Variants in CHRM3 observed in about 807,000 individuals in gnomAD.
The protein encoded by CHRM3 is cholinergic receptor muscarinic 3.
CHRM3 carries 11 observed loss-of-function variants against 41.8 expected under a neutral mutation model. The observed-to-expected ratio is 0.26, with a 90% confidence interval of 0.17 to 0.44. The LOEUF is 0.44. CHRM3 is among the 20% of genes least tolerant of loss of function. The pLI, the probability that CHRM3 is intolerant of heterozygous loss-of-function variation, is 1.00. For missense variants in CHRM3, 571 were observed against 745.4 expected (o/e 0.77, Z 2.72); for synonymous variants, 297 against 301.4 (o/e 0.99, Z 0.15).
At chr1:239,532,200 A>G (rs189819657) in intron 2 of CHRM3, among the ~76,000 whole-genome samples, 40 of 144,840 alleles carry the variant, frequency 2.8e-4, no homozygotes, top group African/African-American at 1.0e-3. Context: ...TGTAGTAGAG[A>G]CAGGGTTTCA....
intron 5 of CHRM3, among the ~76,000 whole-genome samples, chr1:239,692,180 G>GT (rs968366935): frequency 1.3e-5 from 2 of 152,146 alleles, no homozygotes; most frequent in Admixed American, 1.3e-4. Context: ...TTAGGCATGT[G>GT]TTTTTTGAAG....
chr1:239,687,628 TTCA>T (rs1558455038), intron 5 of CHRM3, among the ~76,000 whole-genome samples: 2 of 152,128 alleles, frequency 1.3e-5, no homozygotes, highest in African/African-American at 4.8e-5. Context: ...TAAGAAAATA[TTCA>T]TTAGAGTTTA....
intron 2 of CHRM3, among the ~76,000 whole-genome samples, chr1:239,508,041 G>A (rs749636854): frequency 1.3e-5 from 2 of 152,102 alleles, no homozygotes; most frequent in African/African-American, 2.4e-5. Flanking sequence ...CTGGGAAGAC[G>A]GAGGAAGAGT....
chr1:239,580,258 T>TCACACACA (rs374479816), intron 3 of CHRM3, among the ~76,000 whole-genome samples: 4 of 132,660 alleles, frequency 3.0e-5, no homozygotes, highest in East Asian at 2.4e-4. Context: ...ATACACACTG[T>TCACACACA]CACACACACA....
intron 1 of CHRM3, among the ~76,000 whole-genome samples, chr1:239,404,410 A>AAG (rs1210507333): frequency 0.084 from 4,251 of 50,668 alleles, 228 homozygotes; most frequent in Admixed American, 0.16. Context: ...GAAAGAAAGA[A>AAG]AAAGAAAGAA....
intron 3 of CHRM3, among the ~76,000 whole-genome samples, chr1:239,569,492 G>T (rs1008172831): frequency 6.6e-6 from 1 of 152,062 alleles, no homozygotes; most frequent in African/African-American, 2.4e-5. Context: ...CAAATTAGTA[G>T]GAAATACATT....
chr1:239,693,072 C>A lies in CHRM3; in HGVS notation c.-147+14784C>A, dbSNP rs539279635. Reference sequence around the variant, plus strand: ...TTTGTATCCCTGCTCTGTGTTCATGCACGCCTGTGCTTCCTGCATATTTCC... The same window carrying A: ...TTTGTATCCCTGCTCTGTGTTCATGAACGCCTGTGCTTCCTGCATATTTCC... On this transcript the variant is annotated intron_variant, in intron 5 of 6. Transcript: ENST00000676153. Among the ~76,000 whole-genome samples, 8 of 152,286 alleles carry A rather than the reference C, an allele frequency of 5.3e-5. No individual in the cohort carries two copies. In the East Asian group the frequency reaches 1.4e-3, roughly 26 times the overall value.
At chr1:239,486,421 A>G (rs1018474963) in intron 1 of CHRM3, among the ~76,000 whole-genome samples, 3 of 152,150 alleles carry the variant, frequency 2.0e-5, no homozygotes, top group Non-Finnish European at 2.9e-5. Flanking sequence ...TTCAGCCATC[A>G]TCCCCTGATG....
At chr1:239,800,074 A>C (rs1420021690) in intron 5 of CHRM3, among the ~76,000 whole-genome samples, 1 of 152,200 alleles carries the variant, frequency 6.6e-6, no homozygotes, top group Non-Finnish European at 1.5e-5. Context: ...GTGAATGTAA[A>C]AATGATAGAT....
At chr1:239,767,115 C>G (rs1558102518) in intron 5 of CHRM3, among the ~76,000 whole-genome samples, 1 of 152,126 alleles carries the variant, frequency 6.6e-6, no homozygotes, top group Non-Finnish European at 1.5e-5. Context: ...ACCTCTTCCC[C>G]AATTGAATTT....
chr1:239,834,335 C>T (rs756877879), intron 6 of CHRM3, among the ~76,000 whole-genome samples: 304 of 116,722 alleles, frequency 2.6e-3, no homozygotes, highest in Middle Eastern at 6.1e-3. Context: ...TTTTTTGAGA[C>T]GGAGTCTCAC....
chr1:239,889,436 A>G (rs933171515), intron 6 of CHRM3, among the ~76,000 whole-genome samples: 1 of 152,116 alleles, frequency 6.6e-6, no homozygotes, highest in Non-Finnish European at 1.5e-5. Context: ...CGTGTTGGAC[A>G]TGCCTGGCCC....
chr1:239,630,531 C>G (rs1669697802), intron 3 of CHRM3, among the ~76,000 whole-genome samples: 1 of 152,068 alleles, frequency 6.6e-6, no homozygotes, highest in African/African-American at 2.4e-5. Flanking sequence ...TCAGCATGCC[C>G]TAAATGGTAG....
At chr1:239,709,202 A>G (rs1440036610) in intron 5 of CHRM3, among the ~76,000 whole-genome samples, 3 of 152,180 alleles carry the variant, frequency 2.0e-5, no homozygotes, top group Admixed American at 2.0e-4. Context: ...GGCCAGTCAC[A>G]TCAACATTTC....
intron 5 of CHRM3, among the ~76,000 whole-genome samples, chr1:239,693,163 C>T (rs1572004751): frequency 6.6e-6 from 1 of 152,118 alleles, no homozygotes; most frequent in Non-Finnish European, 1.5e-5. Flanking sequence ...ATCATGGCTA[C>T]ACAGTTCAAA....
intron 3 of CHRM3, among the ~76,000 whole-genome samples, chr1:239,562,791 G>A (rs1173851092): frequency 2.0e-5 from 3 of 151,696 alleles, no homozygotes; most frequent in African/African-American, 4.8e-5. Context: ...GGGAGGCTGA[G>A]GCAGGAGAAT....
intron 1 of CHRM3, among the ~76,000 whole-genome samples, chr1:239,392,828 T>C (rs1659158592): frequency 6.6e-6 from 1 of 152,118 alleles, no homozygotes; most frequent in Admixed American, 6.5e-5. Context: ...CACTTTGGAG[T>C]ACATTTTCTC....
chr1:239,856,004 T>C (rs898969529), intron 6 of CHRM3, among the ~76,000 whole-genome samples: 15 of 152,300 alleles, frequency 9.8e-5, no homozygotes, highest in African/African-American at 3.4e-4. Context: ...ATCTTAAATT[T>C]TGTAAGCTAT....
intron 1 of CHRM3, among the ~76,000 whole-genome samples, chr1:239,457,490 T>G (rs1558237947): frequency 1.3e-5 from 2 of 152,186 alleles, no homozygotes; most frequent in Non-Finnish European, 2.9e-5. Flanking sequence ...TTAATATGTA[T>G]AGTATAAATG....
Sources: gnomAD v4.1 joint callset for allele counts (sites outside exome capture counted in the v4.1 genomes callset) on GRCh38, gnomAD v4.1.1 for gene constraint, MANE v1.5 for transcripts, NCBI Gene and HGNC (gene_info 2026-07-23, HGNC 2026-07-21) for gene names.